Variants in ZFP64 observed in about 807,000 individuals in gnomAD.
ZFP64 encodes the protein zinc finger protein 64.
A neutral mutation model predicts 51.6 loss-of-function variants in ZFP64; 14 were observed. The ratio of observed to expected loss-of-function variants is 0.27; its 90% CI spans 0.18 to 0.42. ZFP64 has a LOEUF of 0.42. ZFP64 is among the 10% of genes least tolerant of loss of function. The probability of loss-of-function intolerance (pLI) is 1.00; values close to 1 mark genes in which losing one functional copy is unlikely to be tolerated. For synonymous variants in ZFP64, 375 were observed against 361.4 expected, an observed-to-expected ratio of 1.04 and a Z score of -0.43; for missense variants, 754 against 906.8, an observed-to-expected ratio of 0.83 and a Z score of 2.16.
chr20:52,116,037 T>G (rs1978849527), intron 5 of ZFP64, among the ~76,000 whole-genome samples: 3 of 151,782 alleles, frequency 2.0e-5, no homozygotes, highest in Non-Finnish European at 1.5e-5. Context: ...TTTCTCCATG[T>G]TGGTCAGTCT....
intron 5 of ZFP64, among the ~76,000 whole-genome samples, chr20:52,121,679 C>A (rs1241111374): frequency 6.6e-6 from 1 of 152,168 alleles, no homozygotes; most frequent in Admixed American, 6.5e-5. Flanking sequence ...GCAGCAAGTT[C>A]TCCAGAAGAT....
intron 7 of ZFP64, among the ~76,000 whole-genome samples, chr20:52,093,047 G>A (rs2078945538): frequency 6.6e-6 from 1 of 152,030 alleles, no homozygotes; most frequent in African/African-American, 2.4e-5. Context: ...ATGACAGAAA[G>A]TGACAAGAAT....
intron 5 of ZFP64, among the ~76,000 whole-genome samples, chr20:52,154,924 C>T (rs1041357171): frequency 5.3e-5 from 8 of 152,198 alleles, no homozygotes; most frequent in East Asian, 3.9e-4. Context: ...GAAAAAGGGC[C>T]GTTTGCTGCC....
chr20:52,187,161 G>A (rs952191429), intron 1 of ZFP64, 90 bp from the exon 2 acceptor site: 2 of 1,419,942 alleles, frequency 1.4e-6, no homozygotes, highest in East Asian at 2.4e-5. Flanking sequence ...GAAAAGGCAT[G>A]GTGGCAGACA....
At chr20:52,141,816 A>G (rs1980269345) in intron 5 of ZFP64, among the ~76,000 whole-genome samples, 1 of 152,232 alleles carries the variant, frequency 6.6e-6, no homozygotes, top group African/African-American at 2.4e-5. Flanking sequence ...AAGCAGTCTT[A>G]CTGTGAGTAG....
At chr20:52,116,339 T>C (rs1978871057) in intron 5 of ZFP64, among the ~76,000 whole-genome samples, 1 of 152,158 alleles carries the variant, frequency 6.6e-6, no homozygotes, top group South Asian at 2.1e-4. Flanking sequence ...TTTCCCCATG[T>C]TGGCCAGGCT....
At chr20:52,146,084 AAAAC>A (rs1980510752) in intron 5 of ZFP64, among the ~76,000 whole-genome samples, 3 of 152,084 alleles carry the variant, frequency 2.0e-5, no homozygotes, top group Non-Finnish European at 1.5e-5. Context: ...ACTTAAAAAA[AAAAC>A]AAACTAAGAC....
chr20:52,094,950 G>T (rs6091438), intron 7 of ZFP64, among the ~76,000 whole-genome samples: 1 of 151,994 alleles, frequency 6.6e-6, no homozygotes, highest in African/African-American at 2.4e-5. Flanking sequence ...TGCCCATGAC[G>T]GGGAATAAGA....
At chr20:52,105,019 C>T in intron 5 of ZFP64, 3 of 1,253,192 alleles carry the variant, frequency 2.4e-6, no homozygotes, top group Non-Finnish European at 3.2e-6. Context: ...CTGCGCCGGA[C>T]GCTTCGCCCG....
In ZFP64 at chr20:52,152,537, G is replaced by T. The variant is rs535504707; in HGVS notation, c.1655C>A (p.Pro552His). Residue 552 changes from proline to histidine, a missense_variant, in exon 6 of 6, where the codon CCT (proline) becomes CAT (histidine). Physicochemically the swap from Pro to His is moderately conservative, Grantham distance 77. Transcript: ENST00000216923. ...CTCGCTCGGACACCGCGAGGACTGA[G>T]GGGGGGCGATCAGACTGACCTGGCG... ...ILRQVSLIAP[P>H]QSSRCPSEAG... 9 of 1,587,914 alleles carry T rather than the reference G, an allele frequency of 5.7e-6. No individual in the cohort carries two copies. Among genetic ancestry groups the T allele is most frequent in the Admixed American group, 1.7e-5 (1 of 58,998 alleles).
chr20:52,128,048 T>C (rs1979530219), intron 5 of ZFP64, among the ~76,000 whole-genome samples: 1 of 152,182 alleles, frequency 6.6e-6, no homozygotes, highest in Non-Finnish European at 1.5e-5. Flanking sequence ...CATGTGTCTG[T>C]TCATTTCTGT....
intron 5 of ZFP64, among the ~76,000 whole-genome samples, chr20:52,118,052 T>C (rs1463019910): frequency 6.6e-6 from 1 of 151,922 alleles, no homozygotes; most frequent in African/African-American, 2.4e-5. Flanking sequence ...CCTGCCCAGA[T>C]CTCCCAAAAT....
intron 5 of ZFP64, among the ~76,000 whole-genome samples, chr20:52,106,068 A>G (rs1478322076): frequency 6.6e-6 from 1 of 152,154 alleles, no homozygotes; most frequent in African/African-American, 2.4e-5. Context: ...GTGTTTTTAT[A>G]TAGCACGCGC....
At chr20:52,124,095 C>A (rs1003306768) in intron 5 of ZFP64, among the ~76,000 whole-genome samples, 9 of 151,712 alleles carry the variant, frequency 5.9e-5, no homozygotes, top group African/African-American at 2.2e-4. Flanking sequence ...TGGTCTGGAT[C>A]TCCTGACCTT....
chr20:52,097,248 A>G lies in ZFP64; in HGVS notation c.976+125T>C. On this transcript the variant is annotated intron_variant, in intron 7 of 8. Coordinates refer to the ZFP64 transcript ENST00000361387. The stretch of plus-strand genomic sequence containing the variant: ...TTGCTCCTTCTCCCAAGCCCACCCC[A>G]CTAGACTGAGTTTCATGAGGCAGAT... 3.4e-6 allele frequency: 4 copies of G among 1,171,822 alleles called. No homozygotes were observed. In the South Asian group the frequency reaches 5.0e-5, roughly 15 times the overall value. The allele number at this position is 1,171,822 out of a possible 1,614,324, so 72.6% of individuals were successfully genotyped here. A position where few individuals can be genotyped will look rare whatever the true frequency, so the allele number is the denominator to read the frequency against.
chr20:52,157,244 G>C (rs1451976756), intron 5 of ZFP64, among the ~76,000 whole-genome samples: 1 of 152,124 alleles, frequency 6.6e-6, no homozygotes, highest in Non-Finnish European at 1.5e-5. Context: ...ACCCACAGAA[G>C]GTTAAATGCC....
At chr20:52,098,879 G>A (rs1314028021) in intron 5 of ZFP64, among the ~76,000 whole-genome samples, 2 of 151,826 alleles carry the variant, frequency 1.3e-5, no homozygotes, top group African/African-American at 2.4e-5. Context: ...GTATGTGCCT[G>A]TAGTCCCAGC....
chr20:52,151,892 C>A lies in ZFP64; in HGVS notation c.*254G>T. On this transcript the variant is annotated 3_prime_UTR_variant, in exon 6 of 6. Coordinates refer to ENST00000216923, the MANE Select transcript of ZFP64 (RefSeq NM_018197.3). Reference sequence around the variant, plus strand: ...TCTCTACTAAATATACAAAAATTAGCCAGTCATGATGTCGTACACCTGTGG... The same window carrying A: ...TCTCTACTAAATATACAAAAATTAGACAGTCATGATGTCGTACACCTGTGG... 1.0e-6 allele frequency: 1 copy of A among 1,002,364 alleles called. No homozygotes were observed. The highest frequency in any genetic ancestry group is 1.3e-6 in the Non-Finnish European group (1 of 759,066). The allele number at this position is 1,002,364 out of a possible 1,614,324, so 62.1% of individuals were successfully genotyped here. A position where few individuals can be genotyped will look rare whatever the true frequency, so the allele number is the denominator to read the frequency against.
chr20:52,162,008 A>G (rs1981850803), intron 4 of ZFP64, among the ~76,000 whole-genome samples: 1 of 152,240 alleles, frequency 6.6e-6, no homozygotes, highest in South Asian at 2.1e-4. Flanking sequence ...ATTAAAGATC[A>G]GCATTTTGGC....
Sources: allele counts gnomAD v4.1 joint callset (sites outside exome capture counted in the v4.1 genomes callset), GRCh38; gene constraint gnomAD v4.1.1; transcripts MANE v1.5; gene names NCBI Gene and HGNC (gene_info 2026-07-23, HGNC 2026-07-21).